Variants in ZSCAN2 observed in about 807,000 individuals in gnomAD.
ZSCAN2 encodes the protein zinc finger and SCAN domain-containing protein 2.
A neutral mutation model predicts 47.8 loss-of-function variants in ZSCAN2; 26 were observed. The ratio of observed to expected loss-of-function variants is 0.54; its 90% CI spans 0.40 to 0.75. ZSCAN2 has a LOEUF of 0.75. Among genes scored for constraint, ZSCAN2 ranks in the 30% least tolerant of loss-of-function variants. ZSCAN2 has a pLI of 0.00. For missense variants in ZSCAN2, 732 were observed against 785.4 expected (o/e 0.93, Z 0.81); for synonymous variants, 305 against 288.7 (o/e 1.06, Z -0.57).
At chr15:84,617,541 T>C (rs1361234530) in intron 2 of ZSCAN2, among the ~76,000 whole-genome samples, 1 of 145,170 alleles carries the variant, frequency 6.9e-6, no homozygotes, top group African/African-American at 2.5e-5. Context: ...CCTAGTGATA[T>C]GAGGGGTGGG....
At position 84,621,881 on chromosome 15, in the gene ZSCAN2, G is replaced by T. The variant is rs550359181; in HGVS notation, c.1686G>T (p.Glu562Asp). Reference protein sequence around the residue: ...HLGDKPYRCPECGKGFSWNSV... With the variant: ...HLGDKPYRCPDCGKGFSWNSV... The stretch of plus-strand genomic sequence containing the variant: ...GAGACAAGCCCTACAGGTGCCCTGA[G>T]TGTGGGAAAGGCTTTAGCTGGAACT... Residue 562 changes from glutamate to aspartate, a missense_variant, in exon 3 of 3, where the codon GAG (glutamate) becomes GAT (aspartate). Physicochemically the swap from Glu to Asp is conservative, Grantham distance 45. Coordinates refer to ENST00000546148, the MANE Select transcript of ZSCAN2 (RefSeq NM_181877.4). This position sits in a 1 kb window ranked among gnomAD's most constrained non-coding sequence, Gnocchi z 5.7. 1.2e-6 allele frequency: 2 copies of T among 1,614,220 alleles called. No homozygotes were observed. The highest frequency in any genetic ancestry group is 1.1e-5 in the South Asian group (1 of 91,082).
chr15:84,601,772 C>T (rs953713008), intron 1 of ZSCAN2, among the ~76,000 whole-genome samples: 14 of 151,990 alleles, frequency 9.2e-5, no homozygotes, highest in Non-Finnish European at 1.9e-4. Context: ...TCATGAACTC[C>T]CGGCCTCAAG....
chr15:84,623,351 C>A lies in ZSCAN2; in HGVS notation c.*1311C>A. On this transcript the variant is annotated 3_prime_UTR_variant, in exon 3 of 3. Coordinates refer to ENST00000546148, the MANE Select transcript of ZSCAN2 (RefSeq NM_181877.4). ...TCGTGATCTGCCCGCCTTGGCCTCC[C>A]GAAGTGCTGGGATTACAGGCGTGAG... The A allele has an allele frequency of 4.9e-6, 1 of 204,018 alleles. No individual in the cohort carries two copies. Among genetic ancestry groups the A allele is most frequent in the South Asian group, 7.0e-5 (1 of 14,238 alleles). The allele number at this position is 204,018 out of a possible 1,614,324, so 12.6% of individuals were successfully genotyped here. A position where few individuals can be genotyped will look rare whatever the true frequency, so the allele number is the denominator to read the frequency against.
chr15:84,606,325 A>G, intron 2 of ZSCAN2: 1 of 539,110 alleles, frequency 1.9e-6, no homozygotes, highest in Non-Finnish European at 3.3e-6. Context: ...TGGCATTGTC[A>G]TTTCACAGAT....
intron 2 of ZSCAN2, among the ~76,000 whole-genome samples, chr15:84,609,228 C>T (rs1302429706): frequency 6.7e-6 from 1 of 149,826 alleles, no homozygotes; most frequent in Non-Finnish European, 1.5e-5. Context: ...CAATTCTTAG[C>T]TTCAAAACAA....
Position 84,607,671 on chromosome 15 carries a change from G to A in ZSCAN2, c.406+3338G>A, listed in dbSNP as rs147294178. Among the ~76,000 whole-genome samples, 1,298 of 152,234 alleles carry A rather than the reference G, an allele frequency of 8.5e-3. 17 individuals carry two copies. The highest frequency in any genetic ancestry group is 0.012 in the Non-Finnish European group (827 of 68,016). ...TTACAGGTGCGTGCTACCGTGCCCA[G>A]CTAATTTTTGTATTTTTAGTAGAGA... is the stretch of plus-strand genomic sequence containing the variant. On this transcript the variant is annotated intron_variant, in intron 2 of 2. Transcript: ENST00000546148.
Sources: gnomAD v4.1 joint callset for allele counts (sites outside exome capture counted in the v4.1 genomes callset) on GRCh38, gnomAD v4.1.1 for gene constraint, Gnocchi (gnomAD v3.1) non-coding constraint, MANE v1.5 for transcripts, NCBI Gene and HGNC (gene_info 2026-07-23, HGNC 2026-07-21) for gene names.